Variants in COMMD10 observed in about 807,000 individuals in gnomAD.
COMMD10 encodes COMM domain containing 10.
Under a neutral mutation model 28.9 loss-of-function variants are expected in COMMD10, and 33 were observed. The observed-to-expected ratio is 1.14, with a 90% confidence interval of 0.87 to 1.53. The LOEUF (loss-of-function observed/expected upper bound fraction) is 1.53. COMMD10 is among the 40% of genes most tolerant of loss of function. The pLI, the probability that COMMD10 is intolerant of heterozygous loss-of-function variation, is 0.00. For missense variants in COMMD10, 310 were observed against 233.4 expected (o/e 1.33, Z -2.14); for synonymous variants, 110 against 81.7 (o/e 1.35, Z -1.87).
rs1055241728 is a variant in COMMD10 at position 116,193,487 on chromosome 5, T to G, written c.510+59309T>G. Reference sequence around the variant, plus strand: ...AAAGTAAAGGGGTGGAAAAAGGCATTTCATGCAAATGGACACCAAAAGCAA... The same window carrying G: ...AAAGTAAAGGGGTGGAAAAAGGCATGTCATGCAAATGGACACCAAAAGCAA... On this transcript the variant is annotated intron_variant, in intron 5 of 6. Transcript: ENST00000274458. Among the ~76,000 whole-genome samples, 6 of 152,238 alleles carry G rather than the reference T, an allele frequency of 3.9e-5. No individual in the cohort carries two copies. The East Asian group carries it at 9.7e-4, about 25-fold the overall frequency.
intron 5 of COMMD10, among the ~76,000 whole-genome samples, chr5:116,270,847 G>A (rs1470249155): frequency 1.3e-5 from 2 of 151,660 alleles, no homozygotes; most frequent in African/African-American, 2.4e-5. Flanking sequence ...GCTGAGACAG[G>A]AAAATAACTT....
intron 5 of COMMD10, among the ~76,000 whole-genome samples, chr5:116,257,121 T>G (rs1260522788): frequency 6.6e-6 from 1 of 151,756 alleles, no homozygotes; most frequent in Non-Finnish European, 1.5e-5. Flanking sequence ...GATCAAGAAA[T>G]GGGTCCTCTA....
intron 5 of COMMD10, among the ~76,000 whole-genome samples, chr5:116,169,220 C>T (rs1480709165): frequency 1.3e-5 from 2 of 152,208 alleles, no homozygotes; most frequent in Non-Finnish European, 2.9e-5. Flanking sequence ...CTATAAACAC[C>T]TCTATACAAA....
chr5:116,185,808 A>C (rs370690402), intron 5 of COMMD10, among the ~76,000 whole-genome samples: 1 of 152,148 alleles, frequency 6.6e-6, no homozygotes, highest in Admixed American at 6.6e-5. Context: ...ACATTGAGAT[A>C]TCTTTATTAG....
At chr5:116,231,277 T>C (rs900775888) in intron 5 of COMMD10, among the ~76,000 whole-genome samples, 9 of 152,172 alleles carry the variant, frequency 5.9e-5, no homozygotes, top group African/African-American at 2.2e-4. Context: ...CTTGGAATTT[T>C]TGATGTAGCA....
intron 5 of COMMD10, among the ~76,000 whole-genome samples, chr5:116,269,682 C>T (rs1750702864): frequency 1.3e-5 from 2 of 151,580 alleles, no homozygotes; most frequent in Non-Finnish European, 2.9e-5. Context: ...CTTAAGTTTC[C>T]CTTTCCCCTC....
intron 5 of COMMD10, among the ~76,000 whole-genome samples, chr5:116,206,256 G>A (rs1380535008): frequency 6.6e-6 from 1 of 152,164 alleles, no homozygotes; most frequent in Non-Finnish European, 1.5e-5. Flanking sequence ...TTGTTCCATT[G>A]AGTAGCCTTA....
chr5:116,248,197 ATATT>A (rs957333504), intron 5 of COMMD10, among the ~76,000 whole-genome samples: 9 of 151,832 alleles, frequency 5.9e-5, no homozygotes, highest in African/African-American at 2.2e-4. Flanking sequence ...TCACATCAGA[ATATT>A]TATTAAACAG....
chr5:116,209,939 A>T (rs1402889606), intron 5 of COMMD10, among the ~76,000 whole-genome samples: 1 of 152,148 alleles, frequency 6.6e-6, no homozygotes, highest in Non-Finnish European at 1.5e-5. Flanking sequence ...ATAGAGATTT[A>T]TTTGACCCAT....
intron 5 of COMMD10, among the ~76,000 whole-genome samples, chr5:116,169,672 G>C (rs1028898367): frequency 6.6e-6 from 1 of 152,158 alleles, no homozygotes; most frequent in African/African-American, 2.4e-5. Flanking sequence ...TGGGATGCAA[G>C]GCTGGTTCAA....
intron 4 of COMMD10, among the ~76,000 whole-genome samples, chr5:116,131,946 C>A (rs904952519): frequency 6.6e-6 from 1 of 151,914 alleles, no homozygotes; most frequent in Non-Finnish European, 1.5e-5. Flanking sequence ...TGTTTTAGAA[C>A]GTAGGAGTGG....
intron 5 of COMMD10, among the ~76,000 whole-genome samples, chr5:116,272,447 G>A (rs909122781): frequency 1.3e-5 from 2 of 151,850 alleles, no homozygotes; most frequent in South Asian, 4.1e-4. Context: ...TTTGGCTAAT[G>A]CTCTCAAAAC....
At chr5:116,292,048 G>T (rs964593727) in intron 6 of COMMD10, among the ~76,000 whole-genome samples, 1 of 151,586 alleles carries the variant, frequency 6.6e-6, no homozygotes, top group African/African-American at 2.4e-5. Context: ...TCTTCTGCCA[G>T]TGTACTGCCA....
At chr5:116,116,943 A>G (rs1242409571) in intron 4 of COMMD10, among the ~76,000 whole-genome samples, 1 of 152,214 alleles carries the variant, frequency 6.6e-6, no homozygotes, top group Non-Finnish European at 1.5e-5. Context: ...GAAAATTTTC[A>G]TCAGCAGGAA....
Position 116,126,504 on chromosome 5 carries a change from A to C in COMMD10, c.400-7564A>C, listed in dbSNP as rs575717427. ...CAAAAAGAACAAAGCTGGAAGCATC[A>C]CATTACCGGACTTCAAACTATACTA... On this transcript the variant is annotated intron_variant, in intron 4 of 6. Transcript: ENST00000274458. 4.2e-3 allele frequency among the ~76,000 whole-genome samples: 642 copies of C among 152,194 alleles called. 6 individuals carry two copies. The highest frequency in any genetic ancestry group is 0.015 in the African/African-American group (601 of 41,444).
intron 5 of COMMD10, among the ~76,000 whole-genome samples, chr5:116,281,233 T>C (rs1161196427): frequency 6.6e-6 from 1 of 151,666 alleles, no homozygotes; most frequent in Non-Finnish European, 1.5e-5. Flanking sequence ...TGTTCCTAAT[T>C]CCTAACTAAT....
At chr5:116,259,057 CT>C in intron 5 of COMMD10, among the ~76,000 whole-genome samples, 1 of 146,798 alleles carries the variant, frequency 6.8e-6, no homozygotes, top group African/African-American at 2.6e-5. Flanking sequence ...TAGCTACGTC[CT>C]TTAATTTTTT....
chr5:116,096,335 CTT>C (rs556437193), intron 4 of COMMD10, among the ~76,000 whole-genome samples: 1 of 140,300 alleles, frequency 7.1e-6, no homozygotes, highest in Non-Finnish European at 1.6e-5. Flanking sequence ...CTTTTTCTTT[CTT>C]TTTTTTTTTG....
At chr5:116,118,343 A>G (rs1209096730) in intron 4 of COMMD10, among the ~76,000 whole-genome samples, 6 of 152,104 alleles carry the variant, frequency 3.9e-5, no homozygotes, top group Non-Finnish European at 7.4e-5. Flanking sequence ...CTCAATGGCA[A>G]TAATTTTTGT....
Sources: allele counts gnomAD v4.1 joint callset (sites outside exome capture counted in the v4.1 genomes callset), GRCh38; gene constraint gnomAD v4.1.1; transcripts MANE v1.5; gene names NCBI Gene and HGNC (gene_info 2026-07-23, HGNC 2026-07-21).